Variants in ADK observed in about 807,000 individuals in gnomAD.
The protein encoded by ADK is N6,N6-dimethyladenosine kinase.
Under a neutral mutation model 44.7 loss-of-function variants are expected in ADK, and 24 were observed. The ratio of observed to expected loss-of-function variants is 0.54; its 90% confidence interval spans 0.39 to 0.76. The LOEUF (loss-of-function observed/expected upper bound fraction) is 0.76, where lower values mean the gene tolerates loss of function less well. ADK is among the 30% of genes least tolerant of loss of function. ADK has a pLI of 0.00. For missense variants in ADK, 321 were observed against 425.1 expected (o/e 0.76, Z 2.15); for synonymous variants, 128 against 142.6 (o/e 0.90, Z 0.73).
chr10:74,580,313 C>T (rs1182117347), intron 7 of ADK, among the ~76,000 whole-genome samples: 1 of 152,070 alleles, frequency 6.6e-6, no homozygotes, highest in Non-Finnish European at 1.5e-5. Context: ...CGGTGGCTCA[C>T]ACCTGTAATC....
At chr10:74,492,447 A>G (rs1478225179) in intron 6 of ADK, among the ~76,000 whole-genome samples, 1 of 152,142 alleles carries the variant, frequency 6.6e-6, no homozygotes, top group Non-Finnish European at 1.5e-5. Context: ...TAAAAAAAAG[A>G]AAGAAAAGAA....
intron 7 of ADK, among the ~76,000 whole-genome samples, chr10:74,568,997 A>G (rs768299189): frequency 2.7e-5 from 4 of 146,442 alleles, no homozygotes; most frequent in Non-Finnish European, 4.5e-5. Context: ...TCATTGTTCA[A>G]TTCCCACCTA....
chr10:74,168,180 C>G (rs890647945), intron 1 of ADK, among the ~76,000 whole-genome samples: 9 of 152,142 alleles, frequency 5.9e-5, no homozygotes, highest in East Asian at 5.8e-4. Flanking sequence ...TTTGCCAAAT[C>G]TGTAGTGTCT....
intron 4 of ADK, among the ~76,000 whole-genome samples, chr10:74,325,128 G>A (rs1840962362): frequency 6.6e-6 from 1 of 152,058 alleles, no homozygotes; most frequent in Non-Finnish European, 1.5e-5. Flanking sequence ...ATGAATGCAG[G>A]CTGTCTTTTA....
chr10:74,267,533 A>G (rs1377519126), intron 3 of ADK, among the ~76,000 whole-genome samples: 3 of 152,140 alleles, frequency 2.0e-5, no homozygotes, highest in Non-Finnish European at 4.4e-5. Context: ...GAGTTACACC[A>G]TTAAATTTTT....
chr10:74,402,530 C>G (rs990143150), intron 6 of ADK, among the ~76,000 whole-genome samples: 1 of 152,042 alleles, frequency 6.6e-6, no homozygotes, highest in Non-Finnish European at 1.5e-5. Flanking sequence ...TCCACTTGAT[C>G]GAATCAGCTA....
chr10:74,598,473 T>A (rs1433347464), intron 8 of ADK, among the ~76,000 whole-genome samples: 8 of 133,490 alleles, frequency 6.0e-5, no homozygotes, highest in South Asian at 2.5e-4. Flanking sequence ...TTTTTTGAGA[T>A]GGCGTCTTGC....
At position 74,504,870 on chromosome 10, in the gene ADK, C is replaced by T. The variant is rs111844826; in HGVS notation, c.556-20386C>T. ...ATGATTGTGTTTCCTGAGGCCTCCC[C>T]AGCCATGCAGAACTGTGAGTCAATT... On this transcript the variant is annotated intron_variant, in intron 6 of 10. Coordinates refer to ENST00000539909, the MANE Select transcript of ADK (RefSeq NM_006721.4). Among the ~76,000 whole-genome samples, 258 of 152,288 alleles carry T rather than the reference C, an allele frequency of 1.7e-3. 1 individual carries two copies. Among genetic ancestry groups the T allele is most frequent in the African/African-American group, 6.1e-3 (252 of 41,548 alleles).
chr10:74,515,166 G>C (rs981756366), intron 6 of ADK, among the ~76,000 whole-genome samples: 9 of 152,138 alleles, frequency 5.9e-5, no homozygotes, highest in Non-Finnish European at 1.5e-5. Context: ...TTGGGTTGTT[G>C]GTTTGGTGGG....
At chr10:74,385,146 T>C (rs933412903) in intron 4 of ADK, among the ~76,000 whole-genome samples, 2 of 152,232 alleles carry the variant, frequency 1.3e-5, no homozygotes, top group Non-Finnish European at 2.9e-5. Context: ...GAATTGTATA[T>C]TTTAAAGTGG....
chr10:74,683,315 A>G (rs926314314), intron 10 of ADK, among the ~76,000 whole-genome samples: 1 of 152,158 alleles, frequency 6.6e-6, no homozygotes, highest in African/African-American at 2.4e-5. Context: ...ATGTACTACC[A>G]CCAGTCAGGA....
chr10:74,157,324 A>T (rs1841775962), intron 1 of ADK, among the ~76,000 whole-genome samples: 1 of 152,194 alleles, frequency 6.6e-6, no homozygotes, highest in Admixed American at 6.5e-5. Flanking sequence ...TTCACAAAAA[A>T]TCTGATGGAA....
chr10:74,189,891 T>C (rs1488524123), intron 1 of ADK, among the ~76,000 whole-genome samples: 1 of 152,210 alleles, frequency 6.6e-6, no homozygotes, highest in Non-Finnish European at 1.5e-5. Context: ...TAAGTATGTT[T>C]TCAAAGTTCA....
chr10:74,462,770 T>C lies in ADK; in HGVS notation c.556-62486T>C, dbSNP rs373070628. Among the ~76,000 whole-genome samples the C allele has an allele frequency of 2.3e-4, 35 of 152,328 alleles. 1 individual carries two copies. Among genetic ancestry groups the C allele is most frequent in the Middle Eastern group, 6.8e-3 (2 of 294 alleles). On this transcript the variant is annotated intron_variant, in intron 6 of 10. Transcript: ENST00000539909. The stretch of plus-strand genomic sequence containing the variant: ...TTGTTGTTACCTACAACTTATCAAA[T>C]AAACAGTTACCCTCTGGAATGATAA...
At chr10:74,636,255 T>G (rs1489354457) in intron 9 of ADK, among the ~76,000 whole-genome samples, 1 of 152,056 alleles carries the variant, frequency 6.6e-6, no homozygotes, top group African/African-American at 2.4e-5. Flanking sequence ...CATTAATAGG[T>G]GATAAAGTAA....
At chr10:74,267,346 A>G (rs1017547818) in intron 3 of ADK, among the ~76,000 whole-genome samples, 2 of 152,182 alleles carry the variant, frequency 1.3e-5, no homozygotes, top group Non-Finnish European at 2.9e-5. Flanking sequence ...CTATGGGTTC[A>G]ACAGGGCCAA....
intron 1 of ADK, among the ~76,000 whole-genome samples, chr10:74,153,971 C>T (rs1338847295): frequency 6.6e-6 from 1 of 152,070 alleles, no homozygotes; most frequent in Non-Finnish European, 1.5e-5. Flanking sequence ...AGAGGTAAGG[C>T]ACAGGTACCA....
At chr10:74,463,330 T>A (rs1846235961) in intron 6 of ADK, among the ~76,000 whole-genome samples, 1 of 152,132 alleles carries the variant, frequency 6.6e-6, no homozygotes, top group East Asian at 1.9e-4. Context: ...TAATGTAGAA[T>A]CAGTGGGAGC....
At chr10:74,642,826 TC>T (rs375074385) in intron 9 of ADK, among the ~76,000 whole-genome samples, 7 of 143,674 alleles carry the variant, frequency 4.9e-5, no homozygotes, top group Non-Finnish European at 7.9e-5. Flanking sequence ...AATCTTAAGT[TC>T]TTTTTTTTTT....
Sources: allele counts gnomAD v4.1 joint callset (sites outside exome capture counted in the v4.1 genomes callset), GRCh38; gene constraint gnomAD v4.1.1; transcripts MANE v1.5; gene names NCBI Gene and HGNC (gene_info 2026-07-23, HGNC 2026-07-21).